The following VPS13A variants were observed in gnomAD, a reference collection of about 807,000 sequenced individuals.
The protein encoded by VPS13A is intermembrane lipid transfer protein VPS13A.
In VPS13A, 264 loss-of-function variants were observed where a neutral mutation model predicts 390.9. That is an observed-to-expected ratio of 0.68 (90% CI 0.61 to 0.75). The LOEUF is 0.75. Ranked by LOEUF, VPS13A falls within the 30% of genes least tolerant of loss-of-function variation. The probability of loss-of-function intolerance (pLI) is 0.00; values close to 1 mark genes in which losing one functional copy is unlikely to be tolerated. For missense variants in VPS13A, 3,409 were observed against 3,733.9 expected (o/e 0.91, Z 2.27); for synonymous variants, 1,231 against 1,227.1 (o/e 1.00, Z -0.07).
At chr9:77,302,545 GTATTTT>G (rs970298447) in intron 33 of VPS13A, among the ~76,000 whole-genome samples, 2 of 151,124 alleles carry the variant, frequency 1.3e-5, no homozygotes, top group African/African-American at 2.4e-5. Context: ...GCTAATTTTT[GTATTTT>G]TAGTAGAGAT....
chr9:77,177,733 T>G lies in VPS13A; in HGVS notation c.29T>G (p.Val10Gly). 1 of 1,612,966 alleles carries G rather than the reference T, an allele frequency of 6.2e-7. No individual in the cohort carries two copies. Among genetic ancestry groups the G allele is most frequent in the Non-Finnish European group, 8.5e-7 (1 of 1,179,406 alleles). ...GTTTTCGAGTCGGTGGTCGTGGACG[T>G]GTTGAACCGGTTCTTGGGGGACTAT... is the stretch of plus-strand genomic sequence containing the variant. MVFESVVVD[V>G]LNRFLGDYVV... The change falls in exon 1 of 72, where the codon GTG becomes GGG. Residue 10 changes from valine (V) to glycine (G), a missense_variant. Val to Gly is a moderately radical substitution (Grantham distance 109). This residue lies in a region of VPS13A where 2,717 missense variants were observed against 2,917.4 expected (regional missense o/e 0.93). Coordinates refer to ENST00000360280, the MANE Select transcript of VPS13A (RefSeq NM_033305.3).
chr9:77,372,018 A>G lies in VPS13A; in HGVS notation c.9077+869A>G, dbSNP rs1587679719. Among the ~76,000 whole-genome samples, 3 of 148,958 alleles carry G rather than the reference A, an allele frequency of 2.0e-5. No homozygotes were observed. In the East Asian group the frequency reaches 5.9e-4, roughly 29 times the overall value. ...ATGGCTGCATAGTATTCCATGGTGT[A>G]TATGTGCCACGTTTTCTTAATCCAG... On this transcript the variant is annotated intron_variant, in intron 67 of 71. Transcript: ENST00000360280.
chr9:77,405,649 A>G (rs937231625), intron 69 of VPS13A, among the ~76,000 whole-genome samples: 2 of 152,086 alleles, frequency 1.3e-5, no homozygotes, highest in Non-Finnish European at 2.9e-5. Context: ...TGGAAATACT[A>G]TTGTTATCTT....
At chr9:77,343,897 C>T (rs1830984739) in intron 50 of VPS13A, among the ~76,000 whole-genome samples, 1 of 152,132 alleles carries the variant, frequency 6.6e-6, no homozygotes, top group African/African-American at 2.4e-5. Context: ...ACATTAAAGT[C>T]TCTTTTCTCG....
intron 67 of VPS13A, among the ~76,000 whole-genome samples, chr9:77,380,640 A>T (rs1833377913): frequency 6.6e-6 from 1 of 152,202 alleles, no homozygotes; most frequent in South Asian, 2.1e-4. Context: ...GAATTTATTC[A>T]TATGTATATG....
chr9:77,252,426 T>C, intron 22 of VPS13A, 74 bp downstream of exon 22: 2 of 1,172,452 alleles, frequency 1.7e-6, no homozygotes, highest in Non-Finnish European at 2.6e-6. Flanking sequence ...CATACTTAAC[T>C]GACTCTTCCT....
chr9:77,413,097 G>T (rs561941273), intron 71 of VPS13A, among the ~76,000 whole-genome samples: 17 of 152,186 alleles, frequency 1.1e-4, no homozygotes, highest in Middle Eastern at 3.4e-3. Context: ...AATAAAAGAG[G>T]ATACAAACAA....
intron 71 of VPS13A, among the ~76,000 whole-genome samples, chr9:77,408,737 G>A (rs1487786361): frequency 1.3e-5 from 2 of 152,220 alleles, no homozygotes; most frequent in East Asian, 3.9e-4. Flanking sequence ...AGGCAGCAGA[G>A]AGGCTGGGGG....
intron 1 of VPS13A, among the ~76,000 whole-genome samples, chr9:77,182,219 G>A (rs1245212787): frequency 6.6e-6 from 1 of 152,024 alleles, no homozygotes; most frequent in Non-Finnish European, 1.5e-5. Context: ...TCAGCCTCCC[G>A]AGTAGCTGGG....
intron 71 of VPS13A, among the ~76,000 whole-genome samples, chr9:77,413,514 G>A (rs1418299660): frequency 2.0e-5 from 3 of 152,224 alleles, no homozygotes; most frequent in East Asian, 3.9e-4. Context: ...TTAATAAATG[G>A]TGCTGGGAAA....
intron 63 of VPS13A, 33 bp from the exon 64 acceptor site, chr9:77,370,224 A>T (rs750809010): frequency 8.6e-5 from 138 of 1,607,160 alleles, no homozygotes; most frequent in Admixed American, 3.3e-4. Flanking sequence ...AATATAACTC[A>T]CTCACTCATT....
chr9:77,371,986 A>AT (rs1392268758), intron 67 of VPS13A, among the ~76,000 whole-genome samples: 2 of 146,864 alleles, frequency 1.4e-5, no homozygotes, highest in Non-Finnish European at 3.0e-5. Context: ...TGAACTCATC[A>AT]TTTTTTATGG....
chr9:77,227,593 G>C, intron 16 of VPS13A, 108 bp downstream of exon 16: 1 of 861,108 alleles, frequency 1.2e-6, no homozygotes, highest in Admixed American at 2.1e-5. Context: ...TGTGATCTCT[G>C]CTGCCAGCCT....
In VPS13A at chr9:77,193,940, C is replaced by A. The variant is rs138664473; in HGVS notation, c.101-6005C>A. The stretch of plus-strand genomic sequence containing the variant: ...GCACTCCTGGCATGCATGCTATAAC[C>A]CTGGGGTGTTAGGACTAGGCACATG... On this transcript the variant is annotated intron_variant, in intron 1 of 71. Coordinates refer to ENST00000360280, the MANE Select transcript of VPS13A (RefSeq NM_033305.3). Among the ~76,000 whole-genome samples the A allele has an allele frequency of 8.4e-3, 1,285 of 152,196 alleles. 10 individuals carry two copies. The highest frequency in any genetic ancestry group is 0.014 in the South Asian group (68 of 4,824).
At position 77,370,217 on chromosome 9, in the gene VPS13A, A is replaced by T. The variant is rs541710751; in HGVS notation, c.8668-40A>T. On this transcript the variant is annotated intron_variant, in intron 63 of 71. Transcript: ENST00000360280. ...CGTAAGCTCATCTTTAAAAGTGAAT[A>T]TAACTCACTCACTCATTTATTTACT... The T allele has an allele frequency of 1.0e-5, 16 of 1,596,292 alleles. No individual in the cohort carries two copies. The Admixed American group carries it at 2.7e-4, about 27-fold the overall frequency.
rs370541609 is a variant in VPS13A at position 77,210,607 on chromosome 9, C to G, written c.496-9C>G. ...AATCTGAATAAATTTTACTTTCTTT[C>G]CTCTTTAGATCACAAATCGGGACAA... On this transcript the variant is annotated splice_polypyrimidine_tract_variant and intron_variant, in intron 6 of 71. Transcript: ENST00000360280. 4.3e-6 allele frequency: 7 copies of G among 1,613,022 alleles called. No homozygotes were observed. The East Asian group carries it at 1.1e-4, about 26-fold the overall frequency.
In VPS13A at chr9:77,215,166, G is replaced by GT. The variant is rs376042264; in HGVS notation, c.754+786dup. On this transcript the variant is annotated intron_variant, in intron 10 of 71. Coordinates refer to ENST00000360280, the MANE Select transcript of VPS13A (RefSeq NM_033305.3). ...ACAAAAACAAACAAAAAAAAGTGCT[G>GT]TTTTTTCTATGATAAGGGCACTTAA... Among the ~76,000 whole-genome samples the GT allele has an allele frequency of 7.6e-3, 1,158 of 152,282 alleles. 9 individuals are homozygous for GT. The highest frequency in any genetic ancestry group is 0.013 in the Non-Finnish European group (868 of 68,012).
intron 23 of VPS13A, among the ~76,000 whole-genome samples, chr9:77,261,584 A>AG (rs1417223591): frequency 6.6e-6 from 1 of 151,782 alleles, no homozygotes; most frequent in Non-Finnish European, 1.5e-5. Flanking sequence ...GCCAAAAAAA[A>AG]AAAAATTTTT....
At chr9:77,256,718 T>G (rs1414488086) in intron 22 of VPS13A, among the ~76,000 whole-genome samples, 1 of 152,232 alleles carries the variant, frequency 6.6e-6, no homozygotes, top group Non-Finnish European at 1.5e-5. Flanking sequence ...TTGGTGAAGT[T>G]ATACTTTCAT....
Sources: allele counts gnomAD v4.1 joint callset (sites outside exome capture counted in the v4.1 genomes callset), GRCh38; gene constraint gnomAD v4.1.1; regional missense constraint gnomAD v4.1.1; transcripts MANE v1.5; gene names NCBI Gene and HGNC (gene_info 2026-07-23, HGNC 2026-07-21).